Variants in CCSER1 observed in about 807,000 individuals in gnomAD.
CCSER1 encodes coiled-coil serine rich protein 1, also known as serine-rich coiled-coil domain-containing protein 1.
In CCSER1, 41 loss-of-function variants were observed where a neutral mutation model predicts 82.0. The ratio of observed to expected loss-of-function variants is 0.50; its 90% confidence interval spans 0.39 to 0.65. The LOEUF is 0.65. CCSER1 is among the 30% of genes least tolerant of loss of function. CCSER1 has a pLI of 0.00. For missense variants in CCSER1, 1,119 were observed against 1,064.2 expected, an observed-to-expected ratio of 1.05 and a Z score of -0.72; for synonymous variants, 414 against 383.9, an observed-to-expected ratio of 1.08 and a Z score of -0.92.
At chr4:90,212,045 G>C (rs1032189757) in intron 1 of CCSER1, among the ~76,000 whole-genome samples, 1 of 152,116 alleles carries the variant, frequency 6.6e-6, no homozygotes, top group Admixed American at 6.6e-5. Flanking sequence ...GCTTTCATTA[G>C]GTAGAAAAAT....
At chr4:90,649,565 C>G (rs895467017) in intron 6 of CCSER1, 1 of 152,102 alleles carries the variant, frequency 6.6e-6, no homozygotes. Context: ...AGGAAGAGAG[C>G]CATCACCAAG....
At chr4:91,538,698 C>CATATATTATATATATATATATTTTATAT in intron 10 of CCSER1, among the ~76,000 whole-genome samples, 2 of 138,324 alleles carry the variant, frequency 1.4e-5, no homozygotes, top group South Asian at 4.6e-4. Context: ...TATATATACA[C>CATATATTATATATATATATATTTTATAT]ATATATATAT....
At chr4:91,286,064 T>A (rs1338728902) in intron 10 of CCSER1, among the ~76,000 whole-genome samples, 1 of 151,720 alleles carries the variant, frequency 6.6e-6, no homozygotes, top group Non-Finnish European at 1.5e-5. Flanking sequence ...AATTCAGTTT[T>A]AAGGACTTTG....
At chr4:90,388,995 A>G (rs931971729) in intron 3 of CCSER1, among the ~76,000 whole-genome samples, 1 of 152,216 alleles carries the variant, frequency 6.6e-6, no homozygotes, top group African/African-American at 2.4e-5. Flanking sequence ...TTGTATATTC[A>G]AAGATAAACT....
chr4:91,421,816 A>G (rs1254607476), intron 10 of CCSER1, among the ~76,000 whole-genome samples: 1 of 151,404 alleles, frequency 6.6e-6, no homozygotes, highest in African/African-American at 2.4e-5. Flanking sequence ...GTTAAAAAAA[A>G]AAACCACAAT....
At chr4:91,250,834 T>A (rs1433129518) in intron 10 of CCSER1, among the ~76,000 whole-genome samples, 1 of 151,984 alleles carries the variant, frequency 6.6e-6, no homozygotes, top group African/African-American at 2.4e-5. Flanking sequence ...AAGTATTGTG[T>A]TTTTAAAAAA....
intron 1 of CCSER1, among the ~76,000 whole-genome samples, chr4:90,230,896 C>A (rs1443435147): frequency 1.3e-5 from 2 of 152,190 alleles, no homozygotes; most frequent in Non-Finnish European, 2.9e-5. Context: ...TTCCTTGACA[C>A]ATACACTCTC....
intron 10 of CCSER1, among the ~76,000 whole-genome samples, chr4:91,583,741 T>C (rs1217430983): frequency 4.6e-5 from 7 of 151,454 alleles, no homozygotes; most frequent in African/African-American, 1.7e-4. Flanking sequence ...CTATACAAAG[T>C]TTTAAACAAT....
chr4:90,700,728 T>C (rs1427629189), intron 6 of CCSER1, among the ~76,000 whole-genome samples: 1 of 152,274 alleles, frequency 6.6e-6, no homozygotes, highest in East Asian at 1.9e-4. Context: ...TTTGCATTTC[T>C]CTGATGACCA....
At chr4:91,103,509 C>T (rs1253588304) in intron 10 of CCSER1, among the ~76,000 whole-genome samples, 1 of 152,052 alleles carries the variant, frequency 6.6e-6, no homozygotes, top group African/African-American at 2.4e-5. Context: ...GATTAAAATC[C>T]AAGAATTAGA....
intron 9 of CCSER1, among the ~76,000 whole-genome samples, chr4:90,932,980 A>AAGAAAGAAAGAG (rs1730218042): frequency 9.1e-5 from 2 of 21,938 alleles, no homozygotes; most frequent in Non-Finnish European, 1.7e-4. Context: ...GAAAGAAAGA[A>AAGAAAGAAAGAG]AGAGAAAGAA....
chr4:91,101,498 G>T (rs1725047861), intron 10 of CCSER1, among the ~76,000 whole-genome samples: 1 of 152,160 alleles, frequency 6.6e-6, no homozygotes, highest in Admixed American at 6.5e-5. Flanking sequence ...AGCTGGGCAT[G>T]GTGGCATGTG....
intron 7 of CCSER1, among the ~76,000 whole-genome samples, chr4:90,790,819 A>G (rs113069646): frequency 0.025 from 3,859 of 152,236 alleles, 149 homozygotes; most frequent in African/African-American, 0.085. Context: ...AAGCTTTCCC[A>G]CATTTTCCTG....
At chr4:90,419,292 A>G (rs1278230404) in intron 4 of CCSER1, among the ~76,000 whole-genome samples, 1 of 151,940 alleles carries the variant, frequency 6.6e-6, no homozygotes, top group African/African-American at 2.4e-5. Context: ...CTTGGTTGCC[A>G]TTAGATGGCA....
At chr4:91,100,394 T>C (rs1759835603) in intron 10 of CCSER1, among the ~76,000 whole-genome samples, 2 of 152,048 alleles carry the variant, frequency 1.3e-5, no homozygotes, top group Admixed American at 1.3e-4. Flanking sequence ...ATTATTTATA[T>C]AATCAGGTCT....
chr4:91,356,290 C>G (rs1748828054), intron 10 of CCSER1, among the ~76,000 whole-genome samples: 1 of 152,210 alleles, frequency 6.6e-6, no homozygotes, highest in African/African-American at 2.4e-5. Flanking sequence ...AGGGCTGGGG[C>G]CGACATGCGT....
At chr4:90,208,347 CT>C (rs1365844209) in intron 1 of CCSER1, among the ~76,000 whole-genome samples, 1 of 152,148 alleles carries the variant, frequency 6.6e-6, no homozygotes, top group African/African-American at 2.4e-5. Context: ...GCAGATGCCC[CT>C]CCCCCAACCA....
chr4:91,067,291 TG>T (rs1328729916), intron 9 of CCSER1, among the ~76,000 whole-genome samples: 1 of 152,106 alleles, frequency 6.6e-6, no homozygotes, highest in Non-Finnish European at 1.5e-5. Flanking sequence ...GGAAAGACTG[TG>T]TATGCTGACA....
chr4:90,313,979 A>C (rs936788087), intron 3 of CCSER1, among the ~76,000 whole-genome samples: 1 of 152,332 alleles, frequency 6.6e-6, no homozygotes, highest in South Asian at 2.1e-4. Flanking sequence ...ATTGTTTTAC[A>C]TAATTGGGTT....
Sources: allele counts gnomAD v4.1 joint callset (sites outside exome capture counted in the v4.1 genomes callset), GRCh38; gene constraint gnomAD v4.1.1; transcripts MANE v1.5; gene names NCBI Gene and HGNC (gene_info 2026-07-23, HGNC 2026-07-21).